The following RNF169 variants were observed in gnomAD, a reference collection of about 807,000 sequenced individuals.
The protein encoded by RNF169 is ring finger protein 169, also known as E3 ubiquitin-protein ligase RNF169.
A neutral mutation model predicts 53.9 loss-of-function variants in RNF169; 24 were observed. The ratio of observed to expected loss-of-function variants is 0.45; its 90% CI spans 0.32 to 0.63. The LOEUF (loss-of-function observed/expected upper bound fraction) is 0.63. RNF169 is among the 20% of genes least tolerant of loss of function. RNF169 has a pLI of 0.04. For synonymous variants in RNF169, 396 were observed against 363.5 expected, an observed-to-expected ratio of 1.09 and a Z score of -1.02; for missense variants, 883 against 906.2, an observed-to-expected ratio of 0.97 and a Z score of 0.33.
intron 1 of RNF169, among the ~76,000 whole-genome samples, chr11:74,783,045 A>C (rs368339316): frequency 6.6e-6 from 1 of 151,870 alleles, no homozygotes; most frequent in South Asian, 2.1e-4. Context: ...ATGAATGTAC[A>C]GGGGTAAAAA....
chr11:74,811,207 G>A (rs558589396), intron 3 of RNF169, among the ~76,000 whole-genome samples: 1 of 152,024 alleles, frequency 6.6e-6, no homozygotes, highest in African/African-American at 2.4e-5. Flanking sequence ...GTACACTTCG[G>A]CCAAGTTACT....
intron 4 of RNF169, among the ~76,000 whole-genome samples, chr11:74,824,619 T>A (rs2036065492): frequency 6.6e-6 from 1 of 152,152 alleles, no homozygotes; most frequent in African/African-American, 2.4e-5. Flanking sequence ...CACAAATCAC[T>A]ATACCAGATA....
At chr11:74,783,981 T>C (rs2035453331) in intron 1 of RNF169, among the ~76,000 whole-genome samples, 1 of 152,234 alleles carries the variant, frequency 6.6e-6, no homozygotes, top group African/African-American at 2.4e-5. Context: ...TATGAGACTT[T>C]GATTTAAAAG....
At chr11:74,823,715 C>T (rs544034327) in intron 4 of RNF169, among the ~76,000 whole-genome samples, 223 of 128,622 alleles carry the variant, frequency 1.7e-3, no homozygotes, top group Non-Finnish European at 2.4e-3. Context: ...CCAGCCTAGG[C>T]GATAGAGTGA....
At chr11:74,817,977 G>T (rs565404276) in intron 4 of RNF169, among the ~76,000 whole-genome samples, 22 of 152,214 alleles carry the variant, frequency 1.4e-4, no homozygotes, top group African/African-American at 4.8e-4. Context: ...CTTTTATCTT[G>T]GGAGGAAACA....
rs1200215230 is a variant in RNF169, at chr11:74,749,069, G to A, written c.189G>A (p.Pro63=). The A allele has an allele frequency of 9.6e-6, 14 of 1,465,446 alleles. No homozygotes were observed. Among genetic ancestry groups the A allele is most frequent in the Admixed American group, 2.3e-5 (1 of 42,940 alleles). 90.8% of individuals were successfully genotyped at this position (1,465,446 alleles called of 1,614,324 possible). Residue 63 remains proline (P), a synonymous_variant, in exon 1 of 6, where the codon CCG becomes CCA. Transcript: ENST00000299563. ...PLLQPPLPPR[P]EESGCAGCLE... ...TGCAGCCGCCGCTGCCGCCGCGGCC[G>A]GAGGAATCGGGCTGCGCCGGGTGCC...
At chr11:74,814,412 C>CA (rs1350854668) in intron 3 of RNF169, among the ~76,000 whole-genome samples, 1 of 127,052 alleles carries the variant, frequency 7.9e-6, no homozygotes, top group Non-Finnish European at 1.6e-5. Flanking sequence ...GACAGGGTCT[C>CA]ACTGTGTCAC....
chr11:74,816,987 T>C (rs934918664), intron 3 of RNF169, among the ~76,000 whole-genome samples: 1 of 152,174 alleles, frequency 6.6e-6, no homozygotes, highest in Non-Finnish European at 1.5e-5. Context: ...GTAAGTAGAT[T>C]GTTGCAGTAG....
chr11:74,830,775 A>G (rs2036166355), intron 4 of RNF169: 4 of 152,192 alleles, frequency 2.6e-5, no homozygotes, highest in Admixed American at 2.6e-4. Context: ...TTCAGCAAAA[A>G]TACTAGCCAA....
chr11:74,838,831 T>C lies in RNF169; in HGVS notation c.*2101T>C, dbSNP rs907781847. On this transcript the variant is annotated 3_prime_UTR_variant, in exon 6 of 6. Coordinates refer to ENST00000299563, the MANE Select transcript of RNF169 (RefSeq NM_001098638.2). ...TATAAATGCCCTTAGAGGAAACTTA[T>C]CAGTTACTGCCATTTCACGCATTTC... The C allele has an allele frequency of 2.0e-5, 3 of 152,214 alleles. No homozygotes were observed. Among genetic ancestry groups the C allele is most frequent in the Non-Finnish European group, 2.9e-5 (2 of 68,038 alleles). 9.4% of individuals were successfully genotyped at this position (152,214 alleles called of 1,614,324 possible). A position where few individuals can be genotyped will look rare whatever the true frequency, so the allele number is the denominator to read the frequency against.
At chr11:74,823,794 A>G (rs2036052941) in intron 4 of RNF169, among the ~76,000 whole-genome samples, 1 of 151,726 alleles carries the variant, frequency 6.6e-6, no homozygotes, top group African/African-American at 2.4e-5. Flanking sequence ...CATCTAAGGA[A>G]CTCTGTCAGA....
chr11:74,793,455 C>A (rs1296968165), intron 2 of RNF169, among the ~76,000 whole-genome samples: 1 of 152,186 alleles, frequency 6.6e-6, no homozygotes, highest in East Asian at 1.9e-4. Context: ...TCTATAAAGG[C>A]TGTAAAAAGT....
At chr11:74,767,939 A>G (rs1378320856) in intron 1 of RNF169, among the ~76,000 whole-genome samples, 1 of 152,140 alleles carries the variant, frequency 6.6e-6, no homozygotes, top group Admixed American at 6.6e-5. Context: ...TGGCCTGTCC[A>G]AGGTCTTGAG....
intron 4 of RNF169, chr11:74,832,115 GT>G (rs1355953811): frequency 6.6e-6 from 1 of 152,188 alleles, no homozygotes; most frequent in Non-Finnish European, 1.5e-5. Context: ...CTACAGAGTG[GT>G]GGACTTCAGT....
intron 1 of RNF169, among the ~76,000 whole-genome samples, chr11:74,789,055 G>T (rs2035544972): frequency 1.3e-5 from 2 of 152,188 alleles, no homozygotes; most frequent in African/African-American, 4.8e-5. Context: ...TGTAAAATGG[G>T]CATAATACCT....
rs1406754773 is a variant in RNF169 at position 74,838,138 on chromosome 11, C to CT, written c.*1409dup. 6.6e-6 allele frequency: 1 copy of CT among 152,182 alleles called. No individual in the cohort carries two copies. Among genetic ancestry groups the CT allele is most frequent in the Admixed American group, 6.5e-5 (1 of 15,274 alleles). The allele number at this position is 152,182 out of a possible 1,614,324, so 9.4% of individuals were successfully genotyped here. ...GAACTGTCTTCAAAGACTAGAAACACTGACTCCCAAAATGCTAGAACTGGA... is the reference window on the plus strand; with the variant it reads ...GAACTGTCTTCAAAGACTAGAAACACTTGACTCCCAAAATGCTAGAACTGGA... On this transcript the variant is annotated 3_prime_UTR_variant, in exon 6 of 6. Transcript: ENST00000299563.
intron 1 of RNF169, among the ~76,000 whole-genome samples, chr11:74,769,229 G>A (rs1037400139): frequency 6.6e-6 from 1 of 152,150 alleles, no homozygotes; most frequent in Non-Finnish European, 1.5e-5. Context: ...GCATTTCATA[G>A]AAGAAGGAAA....
In RNF169 at chr11:74,749,346, C is replaced by G; in HGVS notation, c.466C>G (p.Pro156Ala). The G allele has an allele frequency of 8.2e-7, 1 of 1,225,132 alleles. No homozygotes were observed. Among genetic ancestry groups the G allele is most frequent in the Non-Finnish European group, 1.0e-6 (1 of 981,996 alleles). 75.9% of individuals were successfully genotyped at this position (1,225,132 alleles called of 1,614,324 possible). ...DGGAAAAGPR[P>A]EQEPRAAPAE... ...GGGCGCGGCTGCCGCGGGGCCCAGG[C>G]CAGAGCAGGAGCCGCGTGCCGCGCC... is the stretch of plus-strand genomic sequence containing the variant. The change falls in exon 1 of 6, where the codon CCA (proline) becomes GCA (alanine). Residue 156 changes from proline to alanine, a missense_variant. This residue lies in a region of RNF169 where 313 missense variants were observed against 279.9 expected (regional missense o/e 1.12). Coordinates refer to ENST00000299563, the MANE Select transcript of RNF169 (RefSeq NM_001098638.2).
chr11:74,788,530 T>C (rs2035537821), intron 1 of RNF169, among the ~76,000 whole-genome samples: 1 of 152,070 alleles, frequency 6.6e-6, no homozygotes, highest in Non-Finnish European at 1.5e-5. Context: ...GTAGCTGGGA[T>C]TACAGGTGCC....
Sources: gnomAD v4.1 joint callset for allele counts (sites outside exome capture counted in the v4.1 genomes callset) on GRCh38, gnomAD v4.1.1 for gene constraint, gnomAD v4.1.1 regional missense constraint, MANE v1.5 for transcripts, NCBI Gene and HGNC (gene_info 2026-07-23, HGNC 2026-07-21) for gene names.